The following TRPC5 variants were observed in gnomAD, a reference collection of about 807,000 sequenced individuals.
The protein encoded by TRPC5 is transient receptor potential cation channel subfamily C member 5, also known as short transient receptor potential channel 5.
In TRPC5, 9 loss-of-function variants were observed where a neutral mutation model predicts 56.5. The ratio of observed to expected loss-of-function variants is 0.16; its 90% CI spans 0.10 to 0.28. The LOEUF (loss-of-function observed/expected upper bound fraction) is 0.28. TRPC5 is among the 10% of genes least tolerant of loss of function. The pLI is 1.00. For synonymous variants in TRPC5, 282 were observed against 278.5 expected (o/e 1.01, Z -0.13); for missense variants, 469 against 748.9 (o/e 0.63, Z 4.36).
intron 2 of TRPC5, among the ~76,000 whole-genome samples, chrX:111,928,772 A>G (rs931032258): frequency 8.9e-6 from 1 of 112,332 alleles, no homozygotes; most frequent in African/African-American, 3.2e-5. Context: ...TCAAGAATGA[A>G]TTAGGGAAAC....
chrX:111,865,537 A>G (rs1274748249), intron 3 of TRPC5, among the ~76,000 whole-genome samples: 1 of 109,176 alleles, frequency 9.2e-6, no homozygotes, highest in Non-Finnish European at 1.9e-5. Flanking sequence ...CATGTTGGCC[A>G]GGATGGTCTT....
chrX:111,865,002 T>C, intron 3 of TRPC5, among the ~76,000 whole-genome samples: 1 of 110,899 alleles, frequency 9.0e-6, no homozygotes, highest in Non-Finnish European at 1.9e-5. Flanking sequence ...AGCTTCTTCT[T>C]TTTTTTCTCT....
intron 1 of TRPC5, among the ~76,000 whole-genome samples, chrX:111,993,785 G>A (rs1374732667): frequency 1.8e-5 from 2 of 111,983 alleles, no homozygotes; most frequent in African/African-American, 6.5e-5. Flanking sequence ...TGAGTTCTTT[G>A]TAGATTCTGG....
chrX:112,079,055 C>T (rs1930902124), intron 1 of TRPC5, among the ~76,000 whole-genome samples: 1 of 111,916 alleles, frequency 8.9e-6, no homozygotes, highest in African/African-American at 3.2e-5. Context: ...TCCCTGCAAA[C>T]CTGGCAAATG....
intron 3 of TRPC5, among the ~76,000 whole-genome samples, chrX:111,871,743 A>G (rs1923767488): frequency 9.0e-6 from 1 of 111,572 alleles, no homozygotes; most frequent in African/African-American, 3.3e-5. Context: ...AAGTGACTGT[A>G]TATGTGATTT....
Position 112,080,095 on chromosome X carries a change from A to G in TRPC5, c.-22+1784T>C, listed in dbSNP as rs758239930. On this transcript the variant is annotated intron_variant, in intron 1 of 10. Transcript: ENST00000262839. ...TACTATGGTTGCTTTAAAAAGTAACAGAATGGGCACCTTTTCAGATCCTAC... is the reference window on the plus strand; with the variant it reads ...TACTATGGTTGCTTTAAAAAGTAACGGAATGGGCACCTTTTCAGATCCTAC... Among the ~76,000 whole-genome samples, 6 of 112,098 alleles carry G rather than the reference A, an allele frequency of 5.4e-5. No individual in the cohort carries two copies. In the South Asian group the frequency reaches 1.9e-3, roughly 35 times the overall value.
intron 1 of TRPC5, among the ~76,000 whole-genome samples, chrX:111,997,644 G>C (rs1025894716): frequency 9.1e-6 from 1 of 110,050 alleles, no homozygotes; most frequent in Non-Finnish European, 1.9e-5. Context: ...ACATAGATTT[G>C]GTCTTTTCAC....
At chrX:111,989,541 G>A (rs1928298105) in intron 1 of TRPC5, among the ~76,000 whole-genome samples, 1 of 111,743 alleles carries the variant, frequency 8.9e-6, no homozygotes, top group African/African-American at 3.3e-5. Flanking sequence ...TTTCATGAAT[G>A]AGCCTAACTC....
At position 111,776,729 on chromosome X, in the gene TRPC5, A is replaced by G. The variant is rs780188840; in HGVS notation, c.2506T>C (p.Ser836Pro). The change falls in exon 11 of 11, where the codon TCC becomes CCC. Residue 836 changes from serine (S) to proline (P), a missense_variant. Ser to Pro is a moderately conservative substitution (Grantham distance 74). Coordinates refer to ENST00000262839, the MANE Select transcript of TRPC5 (RefSeq NM_012471.3). ...TTCTTGAGAGAAGGACCCATGAAGG[A>G]GCGTTTGCTTGATGACTCAGCTTTT... The part of the protein sequence containing the change: ...KSKAESSSKR[S>P]FMGPSLKKLG... 3.3e-6 allele frequency: 4 copies of G among 1,209,867 alleles called. No homozygotes were observed. In the South Asian group the frequency reaches 7.0e-5, roughly 21 times the overall value.
chrX:111,804,152 G>C (rs1921415047), intron 7 of TRPC5, among the ~76,000 whole-genome samples: 1 of 111,912 alleles, frequency 8.9e-6, no homozygotes, highest in Middle Eastern at 4.2e-3. Context: ...TCAAAGATCA[G>C]ATGGTTGTAG....
Position 111,781,151 on chromosome X carries a change from T to A in TRPC5, c.2142+14A>T. On this transcript the variant is annotated intron_variant, in intron 9 of 10. Transcript: ENST00000262839. ...CAACAACTATTGTGCTTCATCCCTG[T>A]GAGGAAGCTTTACCTGATAATGTTG... The A allele has an allele frequency of 8.3e-7, 1 of 1,205,745 alleles. No homozygotes were observed. The highest frequency in any genetic ancestry group is 1.1e-6 in the Non-Finnish European group (1 of 890,015).
At chrX:111,809,508 T>C (rs750299077) in intron 7 of TRPC5, among the ~76,000 whole-genome samples, 33 of 111,577 alleles carry the variant, frequency 3.0e-4, no homozygotes, top group Non-Finnish European at 4.3e-4. Context: ...ACAGATTCTG[T>C]CTCCATGCCA....
intron 6 of TRPC5, 25 bp downstream of exon 6, chrX:111,847,089 A>C (rs1922952884): frequency 8.6e-7 from 1 of 1,159,918 alleles, no homozygotes; most frequent in African/African-American, 1.8e-5. Context: ...AAAATAAATA[A>C]ATAAAGGAAA....
At chrX:112,075,060 T>C (rs1602425870) in intron 1 of TRPC5, among the ~76,000 whole-genome samples, 2 of 112,825 alleles carry the variant, frequency 1.8e-5, no homozygotes, top group Non-Finnish European at 3.7e-5. Flanking sequence ...ATATACATTT[T>C]ATATTCCTGT....
chrX:111,796,961 G>C (rs2148558190), intron 7 of TRPC5, among the ~76,000 whole-genome samples: 1 of 112,199 alleles, frequency 8.9e-6, no homozygotes, highest in South Asian at 3.7e-4. Context: ...TTAAAAAATT[G>C]CCACTTCAAA....
At chrX:111,882,857 A>G (rs1240306790) in intron 3 of TRPC5, among the ~76,000 whole-genome samples, 1 of 112,066 alleles carries the variant, frequency 8.9e-6, no homozygotes, top group East Asian at 2.8e-4. Flanking sequence ...AGGCCAAGGC[A>G]GGAGAGTCAC....
chrX:111,944,303 T>TGTGTGTGTGTGAAAGAGAGAGA (rs1173179815), intron 2 of TRPC5, among the ~76,000 whole-genome samples: 4 of 61,393 alleles, frequency 6.5e-5, no homozygotes, highest in African/African-American at 4.2e-4. Context: ...TGTGTGTGTG[T>TGTGTGTGTGTGAAAGAGAGAGA]GAGAGAGAGA....
chrX:111,956,274 C>T (rs1927233964), intron 1 of TRPC5, among the ~76,000 whole-genome samples: 1 of 111,864 alleles, frequency 8.9e-6, no homozygotes, highest in African/African-American at 3.2e-5. Context: ...GCTTGCACCA[C>T]GTGTCATGAA....
In TRPC5 at chrX:111,797,524, C is replaced by A. The variant is rs73544240; in HGVS notation, c.1897-15386G>T. 9.0e-3 allele frequency among the ~76,000 whole-genome samples: 998 copies of A among 111,506 alleles called. 17 individuals are homozygous for A. The highest frequency in any genetic ancestry group is 0.03 in the African/African-American group (918 of 30,759). ...CAGTAAGTTCAAAATAAAAATGAAGCCTTTAGATAAAATTAGGTACTTATT... is the reference window on the plus strand; with the variant it reads ...CAGTAAGTTCAAAATAAAAATGAAGACTTTAGATAAAATTAGGTACTTATT... On this transcript the variant is annotated intron_variant, in intron 7 of 10. Coordinates refer to ENST00000262839, the MANE Select transcript of TRPC5 (RefSeq NM_012471.3).
Sources: gnomAD v4.1 joint callset for allele counts (sites outside exome capture counted in the v4.1 genomes callset) on GRCh38, gnomAD v4.1.1 for gene constraint, MANE v1.5 for transcripts, NCBI Gene and HGNC (gene_info 2026-07-23, HGNC 2026-07-21) for gene names.